Variants in REXO4 observed in about 807,000 individuals in gnomAD.
The protein encoded by REXO4 is REX4 homolog, 3'-5' exonuclease.
A neutral mutation model predicts 39.9 loss-of-function variants in REXO4; 29 were observed. The observed-to-expected ratio is 0.73, with a 90% CI of 0.54 to 0.99. The LOEUF is 0.99. Among genes scored for constraint, REXO4 ranks in the 50% least tolerant of loss-of-function variants. The pLI, the probability that REXO4 is intolerant of heterozygous loss-of-function variation, is 0.00. For synonymous variants in REXO4, 184 were observed against 206.2 expected, an observed-to-expected ratio of 0.89 and a Z score of 0.92; for missense variants, 524 against 546.5, an observed-to-expected ratio of 0.96 and a Z score of 0.41.
chr9:133,411,488 G>A (rs1193765727), intron 4 of REXO4, among the ~76,000 whole-genome samples: 2 of 152,226 alleles, frequency 1.3e-5, no homozygotes, highest in East Asian at 3.8e-4. Context: ...GGGTAGAGAT[G>A]TGTTGCCCTA....
chr9:133,417,861 G>T lies in REXO4; in HGVS notation c.-17C>A, dbSNP rs368897286. On this transcript the variant is annotated 5_prime_UTR_variant, in exon 1 of 8. Coordinates refer to ENST00000371942, the MANE Select transcript of REXO4 (RefSeq NM_020385.4). ...CTTCCCCATCCTGCTGCCGTCCAGC[G>T]CCTGGGCCGGCGGCCACCCGAGACC... 2 of 1,593,786 alleles carry T rather than the reference G, an allele frequency of 1.3e-6. No individual in the cohort carries two copies. Among genetic ancestry groups the T allele is most frequent in the Non-Finnish European group, 1.7e-6 (2 of 1,177,410 alleles).
intron 1 of REXO4, among the ~76,000 whole-genome samples, chr9:133,416,349 T>C (rs587644107): frequency 6.6e-6 from 1 of 152,312 alleles, no homozygotes; most frequent in African/African-American, 2.4e-5. Flanking sequence ...TCTCCACCAC[T>C]GGGGATCACA....
In REXO4 at chr9:133,414,885, C is replaced by T. The variant is rs1554781216; in HGVS notation, c.352G>A (p.Glu118Lys). Residue 118 changes from glutamate to lysine, a missense_variant, in exon 2 of 8, where the codon GAG (glutamate) becomes AAG (lysine). Transcript: ENST00000371942. ...KETSPQVKGE[E>K]MPAGKDQEAS... ...TCCTGGTCTTTTCCTGCCGGCATCTCCTCTCCCTTCACTTGAGGCGAGGTC... is the reference window on the plus strand; with the variant it reads ...TCCTGGTCTTTTCCTGCCGGCATCTTCTCTCCCTTCACTTGAGGCGAGGTC... 1.2e-6 allele frequency: 2 copies of T among 1,614,184 alleles called. No homozygotes were observed. The highest frequency in any genetic ancestry group is 1.7e-6 in the Non-Finnish European group (2 of 1,180,032).
chr9:133,410,766 T>C (rs1554779965), intron 5 of REXO4, among the ~76,000 whole-genome samples: 1 of 152,196 alleles, frequency 6.6e-6, no homozygotes, highest in African/African-American at 2.4e-5. Context: ...TGCTCTGGTA[T>C]GGGTACCCCA....
At chr9:133,410,671 C>T (rs1258522443) in intron 5 of REXO4, among the ~76,000 whole-genome samples, 1 of 152,194 alleles carries the variant, frequency 6.6e-6, no homozygotes, top group African/African-American at 2.4e-5. Context: ...ACCCTGGTCA[C>T]GGATGGGACA....
chr9:133,406,816 T>C lies in REXO4; in HGVS notation c.*137A>G. 7.8e-7 allele frequency: 1 copy of C among 1,284,264 alleles called. No homozygotes were observed. The highest frequency in any genetic ancestry group is 1.1e-6 in the Non-Finnish European group (1 of 921,910). 79.6% of individuals were successfully genotyped at this position (1,284,264 alleles called of 1,614,324 possible). On this transcript the variant is annotated 3_prime_UTR_variant, in exon 8 of 8. Transcript: ENST00000371942. ...TCAAGAGGAAGGAGGACCTTCTCAGTAGCACCACGCCACGCCCCTCTGCCA... is the reference window on the plus strand; with the variant it reads ...TCAAGAGGAAGGAGGACCTTCTCAGCAGCACCACGCCACGCCCCTCTGCCA...
chr9:133,410,272 C>T (rs146585565), intron 5 of REXO4, among the ~76,000 whole-genome samples: 1 of 152,320 alleles, frequency 6.6e-6, no homozygotes, highest in Non-Finnish European at 1.5e-5. Flanking sequence ...CCGCTGTTCC[C>T]ACTGTGTCCT....
chr9:133,412,229 G>C, intron 4 of REXO4, 70 bp downstream of exon 4: 6 of 1,494,856 alleles, frequency 4.0e-6, no homozygotes, highest in Non-Finnish European at 4.6e-6. Context: ...GACAGAAAAG[G>C]GAACAAAAGG....
chr9:133,414,636 T>C (rs952840238), intron 2 of REXO4, 29 bp downstream of exon 2: 4 of 1,605,228 alleles, frequency 2.5e-6, no homozygotes, highest in Non-Finnish European at 3.4e-6. Context: ...TGTGCCTCGG[T>C]TCTCAGTGGT....
chr9:133,414,902 G>A lies in REXO4; in HGVS notation c.335C>T (p.Pro112Leu). 1.9e-6 allele frequency: 3 copies of A among 1,614,070 alleles called. No homozygotes were observed. The highest frequency in any genetic ancestry group is 1.3e-5 in the African/African-American group (1 of 74,994). ...CGGCATCTCCTCTCCCTTCACTTGA[G>A]GCGAGGTCTCTTTTTTGTTTTGCTG... ...IIQQNKKETSPQVKGEEMPAG... is the reference protein window; with the variant it reads ...IIQQNKKETSLQVKGEEMPAG... The change falls in exon 2 of 8, where the codon CCT becomes CTT. Residue 112 changes from proline (P) to leucine (L), a missense_variant. Transcript: ENST00000371942.
At chr9:133,416,584 C>G (rs1554781610) in intron 1 of REXO4, among the ~76,000 whole-genome samples, 2 of 152,064 alleles carry the variant, frequency 1.3e-5, no homozygotes, top group African/African-American at 4.8e-5. Flanking sequence ...CAAGGGAGCT[C>G]CAAGGGATGT....
chr9:133,407,896 G>A lies in REXO4; in HGVS notation c.1075-15C>T, dbSNP rs1554779303. On this transcript the variant is annotated splice_polypyrimidine_tract_variant and intron_variant, in intron 6 of 7. Coordinates refer to ENST00000371942, the MANE Select transcript of REXO4 (RefSeq NM_020385.4). ...GGCCTTCCACTCTGCAAAGGGGGAA[G>A]AGGCGGGTGGGGGCCTCTGCAGGCT... The A allele has an allele frequency of 6.2e-7, 1 of 1,609,944 alleles. No homozygotes were observed. Among genetic ancestry groups the A allele is most frequent in the Non-Finnish European group, 8.5e-7 (1 of 1,177,322 alleles).
intron 3 of REXO4, 93 bp from the exon 4 acceptor site, chr9:133,412,585 A>C: frequency 6.8e-7 from 1 of 1,477,404 alleles, no homozygotes; most frequent in Non-Finnish European, 9.3e-7. Context: ...AAGTGTCAGC[A>C]GAGAAAAGCT....
At chr9:133,417,035 G>C (rs1839667216) in intron 1 of REXO4, among the ~76,000 whole-genome samples, 1 of 152,200 alleles carries the variant, frequency 6.6e-6, no homozygotes, top group Non-Finnish European at 1.5e-5. Flanking sequence ...GTTTGAGATG[G>C]AGTCTCGCTC....
At position 133,410,548 on chromosome 9, in the gene REXO4, C is replaced by T. The variant is rs587737701; in HGVS notation, c.999+437G>A. On this transcript the variant is annotated intron_variant, in intron 5 of 7. Transcript: ENST00000371942. ...GCCCCAGGCGGGATTTTCCTCGGGA[C>T]GCCAGAAAGAAGGCAAAGGCAAGCT... is the stretch of plus-strand genomic sequence containing the variant. Among the ~76,000 whole-genome samples, 20 of 152,318 alleles carry T rather than the reference C, an allele frequency of 1.3e-4. No homozygotes were observed. The East Asian group carries it at 1.5e-3, about 12-fold the overall frequency.
intron 7 of REXO4, 144 bp downstream of exon 7, chr9:133,407,663 A>G (rs1353272171): frequency 4.9e-6 from 2 of 411,638 alleles, no homozygotes; most frequent in African/African-American, 2.1e-5. Flanking sequence ...CCGCTCTACC[A>G]TTTTTTTTTT....
rs782744289 is a variant in REXO4 at position 133,417,988 on chromosome 9, G to A, written c.-144C>T. On this transcript the variant is annotated 5_prime_UTR_variant, in exon 1 of 8. Coordinates refer to ENST00000371942, the MANE Select transcript of REXO4 (RefSeq NM_020385.4). ...CCCCGTCCAGGAAAAGACTCCGGAA[G>A]AGACCCCGCACGCGTTGCGCATACC... The A allele has an allele frequency of 1.9e-5, 14 of 728,736 alleles. No homozygotes were observed. The highest frequency in any genetic ancestry group is 2.6e-5 in the Non-Finnish European group (12 of 454,314). The allele number at this position is 728,736 out of a possible 1,614,324, so 45.1% of individuals were successfully genotyped here.
intron 4 of REXO4, among the ~76,000 whole-genome samples, chr9:133,412,070 G>A (rs1422230464): frequency 6.6e-6 from 1 of 152,000 alleles, no homozygotes; most frequent in Non-Finnish European, 1.5e-5. Flanking sequence ...CCCAGCTACT[G>A]GCCTGGTCTT....
intron 2 of REXO4, 136 bp from the exon 3 acceptor site, chr9:133,413,057 C>G (rs28416675): frequency 1.1e-6 from 1 of 881,284 alleles, no homozygotes; most frequent in South Asian, 1.7e-5. Context: ...CCAGACACCC[C>G]GACTGCTGGC....
Sources: allele counts gnomAD v4.1 joint callset (sites outside exome capture counted in the v4.1 genomes callset), GRCh38; gene constraint gnomAD v4.1.1; transcripts MANE v1.5; gene names NCBI Gene and HGNC (gene_info 2026-07-23, HGNC 2026-07-21).